DLEC1: variants seen among roughly 807,000 people sequenced by gnomAD.
The protein encoded by DLEC1 is DLEC1 cilia and flagella associated protein.
Under a neutral mutation model 198.1 loss-of-function variants are expected in DLEC1, and 146 were observed. The observed-to-expected ratio is 0.74, with a 90% CI of 0.64 to 0.85. The LOEUF (loss-of-function observed/expected upper bound fraction) is 0.85, where lower values mean the gene tolerates loss of function less well. DLEC1 is among the 40% of genes least tolerant of loss of function. The pLI is 0.00. For synonymous variants in DLEC1, 897 were observed against 866.8 expected, an observed-to-expected ratio of 1.03 and a Z score of -0.61; for missense variants, 2,233 against 2,220.0, an observed-to-expected ratio of 1.01 and a Z score of -0.12.
chr3:38,063,728 A>G, intron 5 of DLEC1, 113 bp from the exon 6 acceptor site: 1 of 769,590 alleles, frequency 1.3e-6, no homozygotes, highest in Non-Finnish European at 2.2e-6. Context: ...GTATATTGTG[A>G]ATATCTTTGA....
chr3:38,122,463 C>A lies in DLEC1; in HGVS notation c.*51C>A. On this transcript the variant is annotated 3_prime_UTR_variant, in exon 37 of 37. Coordinates refer to ENST00000308059, the MANE Select transcript of DLEC1 (RefSeq NM_007335.4). ...GGCCCCAGCTGGAGAAAAAACATTGCCCAGGGATTAGGAGCAGCTCTTCAG... is the reference window on the plus strand; with the variant it reads ...GGCCCCAGCTGGAGAAAAAACATTGACCAGGGATTAGGAGCAGCTCTTCAG... 6.2e-7 allele frequency: 1 copy of A among 1,613,896 alleles called. No homozygotes were observed. The highest frequency in any genetic ancestry group is 8.5e-7 in the Non-Finnish European group (1 of 1,179,982).
At chr3:38,099,279 G>A (rs1467575971) in intron 18 of DLEC1, among the ~76,000 whole-genome samples, 2 of 152,156 alleles carry the variant, frequency 1.3e-5, no homozygotes, top group African/African-American at 4.8e-5. Context: ...GAGACTGGAA[G>A]GGGCAGGGCT....
chr3:38,122,038 G>C (rs758849637), intron 35 of DLEC1, 33 bp from the exon 36 acceptor site: 6 of 1,610,576 alleles, frequency 3.7e-6, no homozygotes, highest in Non-Finnish European at 3.4e-6. Flanking sequence ...GGGGCTGCCT[G>C]CACTCATGTG....
In DLEC1 at chr3:38,122,692, G is replaced by A. The variant is rs1575253601; in HGVS notation, c.*280G>A. ...GACCAGTATGGCAAAATTAGTCTTG[G>A]AAAAAAACCACAGCCACTAAGATAA... On this transcript the variant is annotated 3_prime_UTR_variant, in exon 37 of 37. Transcript: ENST00000308059. The A allele has an allele frequency of 7.1e-7, 1 of 1,406,120 alleles. No individual in the cohort carries two copies. The allele number at this position is 1,406,120 out of a possible 1,614,324, so 87.1% of individuals were successfully genotyped here. A position where few individuals can be genotyped will look rare whatever the true frequency, so the allele number is the denominator to read the frequency against.
intron 6 of DLEC1, among the ~76,000 whole-genome samples, chr3:38,064,655 C>T (rs1366970394): frequency 3.3e-5 from 5 of 151,450 alleles, no homozygotes; most frequent in South Asian, 2.1e-4. Flanking sequence ...CCCCACCTCC[C>T]GGACGGGGTG....
Position 38,045,562 on chromosome 3 carries a change from A to G in DLEC1, c.431A>G (p.Gln144Arg). Residue 144 changes from glutamine to arginine, a missense_variant, in exon 2 of 37, where the codon CAG becomes CGG. Transcript: ENST00000308059. ...TGCCAGATTCGGGAGCTCTATAAGC[A>G]GCGGCTGGATGAGTTTGAAATGTTG... ...QLQQIRELYKQRLDEFEMLER... is the reference protein window; with the variant it reads ...QLQQIRELYKRRLDEFEMLER... 1 of 1,613,696 alleles carries G rather than the reference A, an allele frequency of 6.2e-7. No homozygotes were observed. The highest frequency in any genetic ancestry group is 8.5e-7 in the Non-Finnish European group (1 of 1,179,888).
intron 5 of DLEC1, among the ~76,000 whole-genome samples, 157 bp downstream of exon 5, chr3:38,062,958 G>A (rs1488565879): frequency 6.6e-6 from 1 of 152,126 alleles, no homozygotes; most frequent in Non-Finnish European, 1.5e-5. Context: ...CACTGGTGTG[G>A]CCTTTGAACC....
In DLEC1 at chr3:38,122,384, A is replaced by G. The variant is rs765293816; in HGVS notation, c.5240A>G (p.Glu1747Gly). The G allele has an allele frequency of 1.2e-6, 2 of 1,614,128 alleles. No individual in the cohort carries two copies. The highest frequency in any genetic ancestry group is 1.7e-6 in the Non-Finnish European group (2 of 1,180,002). The change falls in exon 37 of 37, where the codon GAG becomes GGG. Residue 1747 changes from glutamate to glycine, a missense_variant. Glu to Gly is a moderately conservative substitution (Grantham distance 98, BLOSUM62 -2). Coordinates refer to ENST00000308059, the MANE Select transcript of DLEC1 (RefSeq NM_007335.4). ...LRLRGQGSYD[E>G]RYMLPHQP The stretch of plus-strand genomic sequence containing the variant: ...CTCCGGGGCCAAGGCTCCTATGATG[A>G]GAGATACATGTTGCCTCACCAGCCC...
Position 38,039,315 on chromosome 3 carries a change from A to T in DLEC1, c.90A>T (p.Pro30=), listed in dbSNP as rs1227793232. ...QGTMWAPTSP[P]AGSSSPSQPT... The stretch of plus-strand genomic sequence containing the variant: ...CAATGTGGGCGCCAACTTCGCCACC[A>T]GCCGGGTCCAGCAGCCCCAGCCAGC... The change falls in exon 1 of 37, where the codon CCA becomes CCT. Residue 30 remains proline, a synonymous_variant. Coordinates refer to ENST00000308059, the MANE Select transcript of DLEC1 (RefSeq NM_007335.4). 4.3e-6 allele frequency: 7 copies of T among 1,614,194 alleles called. No homozygotes were observed. The highest frequency in any genetic ancestry group is 5.9e-6 in the Non-Finnish European group (7 of 1,180,026).
intron 2 of DLEC1, chr3:38,051,702 C>A (rs1366364338): frequency 1.9e-5 from 4 of 209,324 alleles, no homozygotes; most frequent in South Asian, 9.7e-5. Flanking sequence ...TTTACAGTAC[C>A]TTTAAAGGTC....
chr3:38,047,706 G>C (rs1176609912), intron 2 of DLEC1, among the ~76,000 whole-genome samples: 1 of 152,098 alleles, frequency 6.6e-6, no homozygotes, highest in African/African-American at 2.4e-5. Context: ...CACTTCATAG[G>C]TGATGCTGTG....
chr3:38,107,876 A>C, intron 20 of DLEC1, 139 bp downstream of exon 20: 1 of 1,014,176 alleles, frequency 9.9e-7, no homozygotes, highest in Non-Finnish European at 1.4e-6. Flanking sequence ...CCTTGCTCGT[A>C]GTGTGCATAA....
intron 19 of DLEC1, chr3:38,103,518 A>G (rs1239994723): frequency 6.6e-6 from 1 of 152,104 alleles, no homozygotes; most frequent in Non-Finnish European, 1.5e-5. Flanking sequence ...TATTTGCTTT[A>G]TTATCTTTTA....
At chr3:38,068,405 A>T (rs758674112) in intron 6 of DLEC1, among the ~76,000 whole-genome samples, 2 of 151,784 alleles carry the variant, frequency 1.3e-5, no homozygotes, top group Non-Finnish European at 2.9e-5. Context: ...TAATTTTTGT[A>T]TTTTTTGTAT....
intron 2 of DLEC1, among the ~76,000 whole-genome samples, chr3:38,049,964 C>T (rs902536432): frequency 3.0e-4 from 45 of 152,112 alleles, no homozygotes; most frequent in African/African-American, 1.0e-3. Context: ...GATAGGTCAG[C>T]TGATGAGAAG....
rs376939638 is a variant in DLEC1, at chr3:38,120,417, C to T, written c.4705-31C>T. The T allele has an allele frequency of 9.3e-5, 149 of 1,610,590 alleles. 1 individual carries two copies. Among genetic ancestry groups the T allele is most frequent in the Middle Eastern group, 5.0e-4 (3 of 6,058 alleles). Reference sequence around the variant, plus strand: ...GAAGTGGCCACCTGCCCTCTGCAGCCGGAGTTGACACCATGTCCACATCTG... The same window carrying T: ...GAAGTGGCCACCTGCCCTCTGCAGCTGGAGTTGACACCATGTCCACATCTG... On this transcript the variant is annotated intron_variant, in intron 33 of 36. Transcript: ENST00000308059.
At chr3:38,121,546 G>A (rs1188909392) in intron 34 of DLEC1, 82 bp from the exon 35 acceptor site, 1 of 1,511,740 alleles carries the variant, frequency 6.6e-7, no homozygotes, top group Non-Finnish European at 8.8e-7. Context: ...ATCAGCACTT[G>A]GGGTCAGCAG....
At position 38,094,992 on chromosome 3, in the gene DLEC1, C is replaced by T; in HGVS notation, c.2033C>T (p.Ala678Val). The change falls in exon 13 of 37, where the codon GCC (alanine) becomes GTC (valine). Residue 678 changes from alanine to valine, a missense_variant. By Grantham distance (64) the Ala-to-Val change is moderately conservative. Transcript: ENST00000308059. ...AAGTGCTACCCCGACAAGGAGACTG[C>T]CTTCTCCATCATGCCCAGAAAGGGG... The part of the protein sequence containing the change: ...SIKCYPDKET[A>V]FSIMPRKGVL... The T allele has an allele frequency of 6.2e-7, 1 of 1,614,262 alleles. No homozygotes were observed. Among genetic ancestry groups the T allele is most frequent in the Non-Finnish European group, 8.5e-7 (1 of 1,180,048 alleles).
At chr3:38,044,580 G>T (rs1700799889) in intron 1 of DLEC1, among the ~76,000 whole-genome samples, 1 of 151,630 alleles carries the variant, frequency 6.6e-6, no homozygotes, top group African/African-American at 2.4e-5. Flanking sequence ...GAAAAAAAAA[G>T]AAAGAAAGGA....
Sources: gnomAD v4.1 joint callset for allele counts (sites outside exome capture counted in the v4.1 genomes callset) on GRCh38, gnomAD v4.1.1 for gene constraint, MANE v1.5 for transcripts, NCBI Gene and HGNC (gene_info 2026-07-23, HGNC 2026-07-21) for gene names.